EEF1AKMT2: variants seen among roughly 807,000 people sequenced by gnomAD.
The protein encoded by EEF1AKMT2 is eukaryotic translation elongation factor 1 alpha lysine methyltransferase 2.
EEF1AKMT2 carries 32 observed loss-of-function variants against 35.8 expected under a neutral mutation model. The observed-to-expected ratio is 0.89, with a 90% CI of 0.67 to 1.20. EEF1AKMT2 has a LOEUF of 1.20. Among genes scored for constraint, EEF1AKMT2 ranks in the 50% most tolerant of loss-of-function variants. The probability of loss-of-function intolerance (pLI) is 0.00; values close to 1 mark genes in which losing one functional copy is unlikely to be tolerated. For synonymous variants in EEF1AKMT2, 121 were observed against 133.7 expected (o/e 0.91, Z 0.65); for missense variants, 330 against 347.5 (o/e 0.95, Z 0.40).
chr10:124,761,955 G>A (rs185598759), intron 6 of EEF1AKMT2, among the ~76,000 whole-genome samples: 86 of 152,184 alleles, frequency 5.7e-4, no homozygotes, highest in Middle Eastern at 3.4e-3. Flanking sequence ...AAAATAAAAC[G>A]CCAATCAAGG....
intron 4 of EEF1AKMT2, chr10:124,765,888 G>T: frequency 3.9e-6 from 1 of 256,076 alleles, no homozygotes; most frequent in South Asian, 9.3e-5. Flanking sequence ...AATAATACCA[G>T]CACATTATGG....
At chr10:124,764,055 C>T (rs1950355753) in intron 5 of EEF1AKMT2, among the ~76,000 whole-genome samples, 1 of 152,058 alleles carries the variant, frequency 6.6e-6, no homozygotes, top group South Asian at 2.1e-4. Flanking sequence ...TGAACACACA[C>T]AAAAGGACAT....
At chr10:124,776,382 A>G (rs1950487381) in intron 3 of EEF1AKMT2, among the ~76,000 whole-genome samples, 1 of 152,172 alleles carries the variant, frequency 6.6e-6, no homozygotes, top group Non-Finnish European at 1.5e-5. Context: ...TTAGAAACAG[A>G]CCCGACAGGA....
chr10:124,788,701 A>G (rs1950607983), intron 3 of EEF1AKMT2, among the ~76,000 whole-genome samples: 1 of 49,092 alleles, frequency 2.0e-5, no homozygotes, highest in Non-Finnish European at 4.9e-5. Flanking sequence ...GAATTGCAAA[A>G]GGTCATCTTT....
intron 3 of EEF1AKMT2, among the ~76,000 whole-genome samples, chr10:124,778,522 G>A (rs1316162867): frequency 1.3e-5 from 2 of 151,924 alleles, no homozygotes; most frequent in East Asian, 1.9e-4. Flanking sequence ...TCAGGAGTTC[G>A]AGACCAGCCT....
chr10:124,787,611 A>G (rs1041316317), intron 3 of EEF1AKMT2, among the ~76,000 whole-genome samples: 6 of 152,098 alleles, frequency 3.9e-5, no homozygotes, highest in Non-Finnish European at 7.4e-5. Flanking sequence ...TGGGCAACAT[A>G]GTGAAACCTT....
intron 4 of EEF1AKMT2, among the ~76,000 whole-genome samples, chr10:124,771,737 C>T (rs1950438801): frequency 6.6e-6 from 1 of 151,908 alleles, no homozygotes; most frequent in Non-Finnish European, 1.5e-5. Context: ...GGTGTGGTGG[C>T]AGGCACCTGT....
chr10:124,785,184 T>C (rs192007410), intron 3 of EEF1AKMT2, among the ~76,000 whole-genome samples: 1 of 138,888 alleles, frequency 7.2e-6, no homozygotes, highest in Non-Finnish European at 1.5e-5. Context: ...GAGACAGAGG[T>C]TGCAGTGAGC....
At chr10:124,780,840 GA>G (rs576760961) in intron 3 of EEF1AKMT2, among the ~76,000 whole-genome samples, 16 of 151,326 alleles carry the variant, frequency 1.1e-4, no homozygotes, top group African/African-American at 2.9e-4. Flanking sequence ...AAAAGACAAA[GA>G]AAAAAAATCT....
At chr10:124,783,025 C>A in intron 3 of EEF1AKMT2, 4 of 382,350 alleles carry the variant, frequency 1.0e-5, no homozygotes, top group Admixed American at 3.6e-5. Flanking sequence ...GGATGGAAAA[C>A]AATATAACAT....
intron 3 of EEF1AKMT2, among the ~76,000 whole-genome samples, chr10:124,783,650 T>C (rs1335023916): frequency 2.6e-5 from 4 of 152,006 alleles, no homozygotes; most frequent in African/African-American, 9.7e-5. Flanking sequence ...ATATGAATTT[T>C]CCTTTGTTTT....
intron 4 of EEF1AKMT2, among the ~76,000 whole-genome samples, chr10:124,774,374 CAAAA>C (rs57130146): frequency 7.8e-4 from 17 of 21,696 alleles, no homozygotes; most frequent in Non-Finnish European, 1.3e-3. Flanking sequence ...GACTCAGTCT[CAAAA>C]AAAAAAAAAA....
At chr10:124,772,701 T>A (rs544618593) in intron 4 of EEF1AKMT2, among the ~76,000 whole-genome samples, 68 of 152,302 alleles carry the variant, frequency 4.5e-4, no homozygotes, top group African/African-American at 1.5e-3. Context: ...GTGCTAGGAT[T>A]ACAGGCGTGA....
intron 3 of EEF1AKMT2, among the ~76,000 whole-genome samples, chr10:124,785,951 G>T (rs1242962972): frequency 6.7e-6 from 1 of 148,914 alleles, no homozygotes; most frequent in Non-Finnish European, 1.5e-5. Flanking sequence ...ACCTGAAAAG[G>T]TGCTCAACAT....
At chr10:124,779,322 G>C (rs1379691761) in intron 3 of EEF1AKMT2, among the ~76,000 whole-genome samples, 1 of 152,100 alleles carries the variant, frequency 6.6e-6, no homozygotes, top group Non-Finnish European at 1.5e-5. Context: ...TAGTAGACAC[G>C]GGGTTTCACC....
intron 1 of EEF1AKMT2, among the ~76,000 whole-genome samples, chr10:124,791,117 C>T (rs1013913800): frequency 1.3e-5 from 2 of 152,212 alleles, no homozygotes; most frequent in Admixed American, 6.5e-5. Context: ...TCTCTAGAAT[C>T]CCTGCTCCCT....
At chr10:124,778,722 C>CAAA (rs11405149) in intron 3 of EEF1AKMT2, among the ~76,000 whole-genome samples, 2 of 119,466 alleles carry the variant, frequency 1.7e-5, no homozygotes, top group Non-Finnish European at 1.7e-5. Flanking sequence ...GACTCCGTAC[C>CAAA]AAAAAAAAAA....
At chr10:124,767,922 G>C (rs1313268054) in intron 4 of EEF1AKMT2, among the ~76,000 whole-genome samples, 2 of 152,170 alleles carry the variant, frequency 1.3e-5, no homozygotes, top group Non-Finnish European at 2.9e-5. Flanking sequence ...GGAAACGGAG[G>C]TTGCGGTGAG....
At chr10:124,777,419 C>T (rs1950497301) in intron 3 of EEF1AKMT2, among the ~76,000 whole-genome samples, 1 of 152,048 alleles carries the variant, frequency 6.6e-6, no homozygotes, top group African/African-American at 2.4e-5. Context: ...ACTTAGGCTA[C>T]ATGGTATGGC....
Sources: allele counts gnomAD v4.1 joint callset (sites outside exome capture counted in the v4.1 genomes callset), GRCh38; gene constraint gnomAD v4.1.1; transcripts MANE v1.5; gene names NCBI Gene and HGNC (gene_info 2026-07-23, HGNC 2026-07-21).